Variants in ZC3H11A observed in about 807,000 individuals in gnomAD.
ZC3H11A encodes the protein zinc finger CCCH domain-containing protein 11A.
In ZC3H11A, 22 loss-of-function variants were observed where a neutral mutation model predicts 90.8. The observed-to-expected ratio is 0.24, with a 90% CI of 0.17 to 0.35. The LOEUF is 0.35. ZC3H11A is among the 10% of genes least tolerant of loss of function. The probability of loss-of-function intolerance (pLI) is 1.00; values close to 1 mark genes in which losing one functional copy is unlikely to be tolerated. For synonymous variants in ZC3H11A, 294 were observed against 339.8 expected (o/e 0.87, Z 1.48); for missense variants, 701 against 964.9 (o/e 0.73, Z 3.62).
At chr1:203,850,727 A>C in intron 16 of ZC3H11A, 46 bp downstream of exon 16, 1 of 1,583,948 alleles carries the variant, frequency 6.3e-7, no homozygotes, top group South Asian at 1.1e-5. Context: ...GTGTGGTAGG[A>C]AAGCAGGAAA....
chr1:203,848,560 A>G (rs1688492478), intron 14 of ZC3H11A, among the ~76,000 whole-genome samples, 153 bp downstream of exon 14: 1 of 152,186 alleles, frequency 6.6e-6, no homozygotes, highest in African/African-American at 2.4e-5. Context: ...AATTTCCTGT[A>G]GTTCTATGTA....
At chr1:203,810,482 C>T (rs992429087) in intron 2 of ZC3H11A, among the ~76,000 whole-genome samples, 12 of 148,420 alleles carry the variant, frequency 8.1e-5, no homozygotes, top group Non-Finnish European at 1.2e-4. Context: ...TGCAGTGGCG[C>T]GATCTCAGCT....
intron 10 of ZC3H11A, 139 bp from the exon 11 acceptor site, chr1:203,837,827 A>G: frequency 1.3e-6 from 1 of 765,964 alleles, no homozygotes; most frequent in South Asian, 2.0e-5. Flanking sequence ...ATTGAACTCT[A>G]AGGAAGCTGG....
chr1:203,803,824 CT>C (rs1671270060), intron 2 of ZC3H11A, among the ~76,000 whole-genome samples: 2 of 152,044 alleles, frequency 1.3e-5, no homozygotes, highest in Admixed American at 1.3e-4. Context: ...CCAGGCTGTT[CT>C]CAAACTCCTG....
rs1685707454 is a variant in ZC3H11A, at chr1:203,840,306, C to T, written c.974C>T (p.Ala325Val). Residue 325 changes from alanine (A) to valine (V), a missense_variant and splice_region_variant, in exon 12 of 18, where the codon GCT becomes GTT. Around this residue, in one of 4 missense-constraint regions of ZC3H11A, gnomAD observed 530 missense variants for 696.2 expected, o/e 0.76. Transcript: ENST00000367210. ...ETNIDKTPKK[A>V]QVSKSLKERL... ...TTTTTGAAAATCTTTCTTTTCACAG[C>T]TCAAGTTTCCAAGTCTCTTAAGGAG... is the stretch of plus-strand genomic sequence containing the variant. 1 of 1,611,336 alleles carries T rather than the reference C, an allele frequency of 6.2e-7. No homozygotes were observed. Among genetic ancestry groups the T allele is most frequent in the African/African-American group, 1.3e-5 (1 of 74,586 alleles).
At chr1:203,835,566 GACTT>G (rs545434839) in intron 10 of ZC3H11A, 222 of 169,870 alleles carry the variant, frequency 1.3e-3, no homozygotes, top group African/African-American at 5.0e-3. Context: ...CACTTTTACT[GACTT>G]TTCATTAGCT....
Position 203,850,505 on chromosome 1 carries a change from C to T in ZC3H11A, c.1940-10C>T. 2 of 1,613,910 alleles carry T rather than the reference C, an allele frequency of 1.2e-6. No homozygotes were observed. The highest frequency in any genetic ancestry group is 1.7e-6 in the Non-Finnish European group (2 of 1,179,832). On this transcript the variant is annotated splice_polypyrimidine_tract_variant and intron_variant, in intron 15 of 17. Transcript: ENST00000367210. The stretch of plus-strand genomic sequence containing the variant: ...CTCACTGCTTATCAGATATTTTCTG[C>T]CCTTTGTAGCTAAACCCAAAGTGAA...
At chr1:203,804,314 GCTAA>G (rs1021901720) in intron 2 of ZC3H11A, among the ~76,000 whole-genome samples, 1 of 151,912 alleles carries the variant, frequency 6.6e-6, no homozygotes, top group African/African-American at 2.4e-5. Flanking sequence ...ACCTCGCCTG[GCTAA>G]CTTTTTTGTA....
intron 11 of ZC3H11A, among the ~76,000 whole-genome samples, chr1:203,839,410 G>C (rs942377632): frequency 2.0e-5 from 3 of 152,186 alleles, no homozygotes; most frequent in African/African-American, 7.2e-5. Context: ...TTTTCTGCTT[G>C]TATGACTTGC....
chr1:203,831,357 T>C (rs1458349145), intron 8 of ZC3H11A, among the ~76,000 whole-genome samples: 1 of 152,170 alleles, frequency 6.6e-6, no homozygotes, highest in African/African-American at 2.4e-5. Flanking sequence ...CTAGTGTACC[T>C]CTGAGGTTAA....
chr1:203,806,113 C>T (rs1476029565), intron 2 of ZC3H11A: 2 of 499,752 alleles, frequency 4.0e-6, no homozygotes, highest in South Asian at 1.5e-5. Context: ...AGGACCCCCT[C>T]TCATCTTGAT....
At chr1:203,814,090 G>A (rs1467712278) in intron 2 of ZC3H11A, among the ~76,000 whole-genome samples, 1 of 151,494 alleles carries the variant, frequency 6.6e-6, no homozygotes, top group Non-Finnish European at 1.5e-5. Flanking sequence ...GCATTTCACT[G>A]TAAGCAGCAG....
chr1:203,825,076 CAAAAA>C (rs61108073), intron 4 of ZC3H11A, among the ~76,000 whole-genome samples: 1 of 108,986 alleles, frequency 9.2e-6, no homozygotes, highest in East Asian at 2.6e-4. Context: ...GACTCCGTCT[CAAAAA>C]AAAAAAAAAA....
At chr1:203,832,715 T>C (rs889210286) in intron 9 of ZC3H11A, among the ~76,000 whole-genome samples, 3 of 152,196 alleles carry the variant, frequency 2.0e-5, no homozygotes, top group Admixed American at 6.5e-5. Flanking sequence ...ATTATAGATA[T>C]AGATATATTT....
chr1:203,828,541 A>G, intron 5 of ZC3H11A, 119 bp downstream of exon 5: 1 of 1,262,390 alleles, frequency 7.9e-7, no homozygotes, highest in Non-Finnish European at 1.1e-6. Flanking sequence ...AATTATTTCC[A>G]CTTTACAGAT....
At position 203,849,959 on chromosome 1, in the gene ZC3H11A, C is replaced by T; in HGVS notation, c.1872C>T (p.Thr624=). The T allele has an allele frequency of 6.2e-7, 1 of 1,614,050 alleles. No homozygotes were observed. The highest frequency in any genetic ancestry group is 8.5e-7 in the Non-Finnish European group (1 of 1,180,014). Reference sequence around the variant, plus strand: ...CATCCCAGAAGGTGGAGGTAGAAACCTCAGGGATTGGAGACTCATTATTGA... The same window carrying T: ...CATCCCAGAAGGTGGAGGTAGAAACTTCAGGGATTGGAGACTCATTATTGA... ...TKSSQKVEVE[T]SGIGDSLLNV... is the part of the protein sequence containing the mutation. Residue 624 remains threonine, a synonymous_variant, in exon 15 of 18, where the codon ACC becomes ACT. Transcript: ENST00000367210.
At chr1:203,841,112 T>A (rs1419617289) in intron 12 of ZC3H11A, among the ~76,000 whole-genome samples, 3 of 152,110 alleles carry the variant, frequency 2.0e-5, no homozygotes, top group African/African-American at 7.2e-5. Flanking sequence ...ATACCACTTT[T>A]GACCTCCTGA....
At chr1:203,849,427 A>G (rs1688741503) in intron 14 of ZC3H11A, among the ~76,000 whole-genome samples, 1 of 152,216 alleles carries the variant, frequency 6.6e-6, no homozygotes. Flanking sequence ...ATTTGTACAT[A>G]AATCTTTGTG....
intron 10 of ZC3H11A, among the ~76,000 whole-genome samples, chr1:203,835,343 A>G (rs1161229053): frequency 6.6e-6 from 1 of 152,176 alleles, no homozygotes; most frequent in African/African-American, 2.4e-5. Flanking sequence ...ACTGAGCTCA[A>G]ACTCAGGAAG....
Sources: gnomAD v4.1 joint callset for allele counts (sites outside exome capture counted in the v4.1 genomes callset) on GRCh38, gnomAD v4.1.1 for gene constraint, gnomAD v4.1.1 regional missense constraint, MANE v1.5 for transcripts, NCBI Gene and HGNC (gene_info 2026-07-23, HGNC 2026-07-21) for gene names.